PRAP1: variants seen among roughly 807,000 people sequenced by gnomAD.
PRAP1 encodes proline-rich acidic protein 1.
In PRAP1, 12 loss-of-function variants were observed where a neutral mutation model predicts 14.6. The ratio of observed to expected loss-of-function variants is 0.82; its 90% CI spans 0.53 to 1.33. PRAP1 has a LOEUF of 1.33. PRAP1 is among the 40% of genes most tolerant of loss of function. The pLI, the probability that PRAP1 is intolerant of heterozygous loss-of-function variation, is 0.00. For missense variants in PRAP1, 160 were observed against 193.7 expected (o/e 0.83, Z 1.03); for synonymous variants, 81 against 80.3 (o/e 1.01, Z -0.04).
In PRAP1 at chr10:133,351,661, A is replaced by G. The variant is rs1487256611; in HGVS notation, c.128+228A>G. Among the ~76,000 whole-genome samples, 3 of 152,100 alleles carry G rather than the reference A, an allele frequency of 2.0e-5. No individual in the cohort carries two copies. Among genetic ancestry groups the G allele is most frequent in the Non-Finnish European group, 2.9e-5 (2 of 67,992 alleles). On this transcript the variant is annotated intron_variant, in intron 3 of 4. Transcript: ENST00000433452. The surrounding 1 kb of genome is among the most constrained non-coding windows in gnomAD (Gnocchi z 4.3). ...GCTTGGGGCTCCACGGTGTCTCCCT[A>G]CTCAGCTTCCCCACAGCCTCCAGGG...
At position 133,352,407 on chromosome 10, in the gene PRAP1, G is replaced by T; in HGVS notation, c.423G>T (p.Glu141Asp). Residue 141 changes from glutamate to aspartate, a missense_variant, in exon 5 of 5, where the codon GAG becomes GAT. Physicochemically the swap from Glu to Asp is conservative, Grantham distance 45. Coordinates refer to ENST00000433452, the MANE Select transcript of PRAP1 (RefSeq NM_145202.5). ...MPNHQVLLGP[E>D]EDQDHIYHPQ ...ATCACCAGGTGCTCCTGGGACCGGAGGAAGACCAAGACCACATCTACCACC... is the reference window on the plus strand; with the variant it reads ...ATCACCAGGTGCTCCTGGGACCGGATGAAGACCAAGACCACATCTACCACC... 2.5e-6 allele frequency: 4 copies of T among 1,612,854 alleles called. No individual in the cohort carries two copies. Among genetic ancestry groups the T allele is most frequent in the Non-Finnish European group, 3.4e-6 (4 of 1,179,922 alleles).
Position 133,351,268 on chromosome 10 carries a change from CTG to C in PRAP1, c.76-112_76-111del. On this transcript the variant is annotated intron_variant, in intron 2 of 4. Coordinates refer to ENST00000433452, the MANE Select transcript of PRAP1 (RefSeq NM_145202.5). This position sits in a 1 kb window ranked among gnomAD's most constrained non-coding sequence, Gnocchi z 4.3. ...GCTGAGCTGGCCCTGCCCCCACCCC[CTG>C]CAGCCACCTCCACCCCATGCAGCCC... 2 of 685,844 alleles carry C rather than the reference CTG, an allele frequency of 2.9e-6. No individual in the cohort carries two copies. The highest frequency in any genetic ancestry group is 5.1e-6 in the Non-Finnish European group (2 of 395,346). 42.5% of individuals were successfully genotyped at this position (685,844 alleles called of 1,614,324 possible). A position where few individuals can be genotyped will look rare whatever the true frequency, so the allele number is the denominator to read the frequency against.
At chr10:133,348,410 A>G (rs1347957835) in intron 1 of PRAP1, among the ~76,000 whole-genome samples, 1 of 152,146 alleles carries the variant, frequency 6.6e-6, no homozygotes, top group Non-Finnish European at 1.5e-5. Flanking sequence ...GTCCCTGTGG[A>G]GCTGCAATCC....
In PRAP1 at chr10:133,347,409, A is replaced by G. The variant is rs753589892; in HGVS notation, c.-9A>G. On this transcript the variant is annotated 5_prime_UTR_variant, in exon 1 of 5. Transcript: ENST00000433452. The surrounding 1 kb of genome is among the most constrained non-coding windows in gnomAD (Gnocchi z 5.0). ...CTGAGCACTCTCTACAGAGACGCGG[A>G]CCCCAGACATGAGGAGGTAATGCCA... 1.9e-6 allele frequency: 3 copies of G among 1,612,970 alleles called. No individual in the cohort carries two copies. The Admixed American group carries it at 5.0e-5, about 27-fold the overall frequency.
Position 133,350,501 on chromosome 10 carries a change from C to T in PRAP1, c.75+340C>T, listed in dbSNP as rs77727470. ...AGGAGGTGGGCCCGGATGACACCCA[C>T]GTGGTCCCAAGTGGAACAGGTGATC... On this transcript the variant is annotated intron_variant, in intron 2 of 4. Coordinates refer to ENST00000433452, the MANE Select transcript of PRAP1 (RefSeq NM_145202.5). 77 of 272,696 alleles carry T rather than the reference C, an allele frequency of 2.8e-4. No homozygotes were observed. In the East Asian group the frequency reaches 5.1e-3, roughly 18 times the overall value. 16.9% of individuals were successfully genotyped at this position (272,696 alleles called of 1,614,324 possible).
intron 4 of PRAP1, 50 bp from the exon 5 acceptor site, chr10:133,352,197 A>C (rs1446386827): frequency 1.9e-6 from 3 of 1,610,996 alleles, no homozygotes; most frequent in Non-Finnish European, 2.5e-6. Flanking sequence ...GGACAGACCA[A>C]GGGTCTCGGG....
intron 1 of PRAP1, among the ~76,000 whole-genome samples, chr10:133,348,680 ATTT>A (rs58838469): frequency 0.67 from 92,194 of 138,376 alleles, 33,845 homozygotes; most frequent in East Asian, 0.92. Flanking sequence ...CGCCTGGCTA[ATTT>A]TTTTTTTTTT....
intron 1 of PRAP1, among the ~76,000 whole-genome samples, chr10:133,348,529 A>T (rs1848621830): frequency 6.7e-6 from 1 of 149,112 alleles, no homozygotes; most frequent in African/African-American, 2.5e-5. Context: ...TTTTTTTGAG[A>T]CAGAGTGTCT....
chr10:133,348,157 A>G (rs1166653142), intron 1 of PRAP1, among the ~76,000 whole-genome samples: 1 of 152,148 alleles, frequency 6.6e-6, no homozygotes, highest in East Asian at 1.9e-4. Flanking sequence ...CCCGAATCCC[A>G]GGCCCCCAGG....
At position 133,351,554 on chromosome 10, in the gene PRAP1, CT is replaced by C; in HGVS notation, c.128+125del. ...TGCAGAGAGGAGCCCTGTCCAGCAG[CT>C]TTTGGAAGGAGGGGGCACTCCAGCC... On this transcript the variant is annotated intron_variant, in intron 3 of 4. Transcript: ENST00000433452. The surrounding 1 kb of genome is among the most constrained non-coding windows in gnomAD (Gnocchi z 4.3). 1 of 784,646 alleles carries C rather than the reference CT, an allele frequency of 1.3e-6. No homozygotes were observed. The highest frequency in any genetic ancestry group is 2.1e-6 in the Non-Finnish European group (1 of 482,510). 48.6% of individuals were successfully genotyped at this position (784,646 alleles called of 1,614,324 possible). A position where few individuals can be genotyped will look rare whatever the true frequency, so the allele number is the denominator to read the frequency against.
At position 133,352,658 on chromosome 10, in the gene PRAP1, T is replaced by C. The variant is rs544878927; in HGVS notation, c.*218T>C. 1.4e-5 allele frequency: 7 copies of C among 484,122 alleles called. No homozygotes were observed. Among genetic ancestry groups the C allele is most frequent in the Non-Finnish European group, 2.2e-5 (6 of 270,746 alleles). 30.0% of individuals were successfully genotyped at this position (484,122 alleles called of 1,614,324 possible). A position where few individuals can be genotyped will look rare whatever the true frequency, so the allele number is the denominator to read the frequency against. ...GGGCAACATGGTGAAACCCCGTCTC[T>C]ACTAAAAATACAAAAATTAGCCGGG... is the stretch of plus-strand genomic sequence containing the variant. On this transcript the variant is annotated 3_prime_UTR_variant, in exon 5 of 5. Transcript: ENST00000433452.
rs547838285 is a variant in PRAP1 at position 133,351,181 on chromosome 10, C to T, written c.76-200C>T. Among the ~76,000 whole-genome samples the T allele has an allele frequency of 6.6e-5, 10 of 152,326 alleles. No individual in the cohort carries two copies. The South Asian group carries it at 2.1e-3, about 32-fold the overall frequency. On this transcript the variant is annotated intron_variant, in intron 2 of 4. Transcript: ENST00000433452. This position sits in a 1 kb window ranked among gnomAD's most constrained non-coding sequence, Gnocchi z 4.3. ...TCATCTGGGCACAGGCCGGCAACCT[C>T]AATCCCGGCTTGCAATCCCAACACC...
rs1848674220 is a variant in PRAP1 at position 133,351,282 on chromosome 10, A to G, written c.76-99A>G. On this transcript the variant is annotated intron_variant, in intron 2 of 4. Coordinates refer to ENST00000433452, the MANE Select transcript of PRAP1 (RefSeq NM_145202.5). This position sits in a 1 kb window ranked among gnomAD's most constrained non-coding sequence, Gnocchi z 4.3. ...GCCCCCACCCCCTGCAGCCACCTCC[A>G]CCCCATGCAGCCCCAGGTGGGCCTC... 1 of 678,110 alleles carries G rather than the reference A, an allele frequency of 1.5e-6. No homozygotes were observed. Among genetic ancestry groups the G allele is most frequent in the Non-Finnish European group, 2.4e-6 (1 of 411,218 alleles). The allele number at this position is 678,110 out of a possible 1,614,324, so 42.0% of individuals were successfully genotyped here.
Position 133,351,338 on chromosome 10 carries a change from C to T in PRAP1, c.76-43C>T, listed in dbSNP as rs747455124. The T allele has an allele frequency of 1.9e-5, 30 of 1,570,898 alleles. No homozygotes were observed. Among genetic ancestry groups the T allele is most frequent in the African/African-American group, 4.0e-5 (3 of 74,134 alleles). On this transcript the variant is annotated intron_variant, in intron 2 of 4. Transcript: ENST00000433452. The surrounding 1 kb of genome is among the most constrained non-coding windows in gnomAD (Gnocchi z 4.3). ...AACCTCTCCCCAGGTGTCCTCCACC[C>T]GCGTGGACTGTGGCCCAGCCCACAC... is the stretch of plus-strand genomic sequence containing the variant.
In PRAP1 at chr10:133,351,235, C is replaced by A. The variant is rs144079438; in HGVS notation, c.76-146C>A. 63 of 560,456 alleles carry A rather than the reference C, an allele frequency of 1.1e-4. No individual in the cohort carries two copies. The highest frequency in any genetic ancestry group is 5.0e-4 in the South Asian group (21 of 42,252). 34.7% of individuals were successfully genotyped at this position (560,456 alleles called of 1,614,324 possible). The stretch of plus-strand genomic sequence containing the variant: ...GAGTGGCTTGCCCACTAGAGACGCT[C>A]GAGCTGTGCTGAGCTGGCCCTGCCC... On this transcript the variant is annotated intron_variant, in intron 2 of 4. Transcript: ENST00000433452. This position sits in a 1 kb window ranked among gnomAD's most constrained non-coding sequence, Gnocchi z 4.3.
Position 133,351,511 on chromosome 10 carries a change from T to C in PRAP1, c.128+78T>C, listed in dbSNP as rs1848678514. On this transcript the variant is annotated intron_variant, in intron 3 of 4. Transcript: ENST00000433452. This position sits in a 1 kb window ranked among gnomAD's most constrained non-coding sequence, Gnocchi z 4.3. ...CGTTCTGCTGGGCCCTTCCTGAACC[T>C]GGAGAGCACGGGGCAGATGCAGAGA... The C allele has an allele frequency of 8.5e-7, 1 of 1,170,800 alleles. No individual in the cohort carries two copies. Among genetic ancestry groups the C allele is most frequent in the Admixed American group, 2.1e-5 (1 of 48,472 alleles). The allele number at this position is 1,170,800 out of a possible 1,614,324, so 72.5% of individuals were successfully genotyped here.
chr10:133,347,528 G>A lies in PRAP1; in HGVS notation c.8+103G>A. ...GCTGTGCTGCGCTCCAGGGGGCCTG[G>A]TTCAGGGGAGTGTGCGGGTGGGAGG... is the stretch of plus-strand genomic sequence containing the variant. On this transcript the variant is annotated intron_variant, in intron 1 of 4. Transcript: ENST00000433452. The surrounding 1 kb of genome is among the most constrained non-coding windows in gnomAD (Gnocchi z 5.0). 8.1e-7 allele frequency: 1 copy of A among 1,237,780 alleles called. No individual in the cohort carries two copies. The highest frequency in any genetic ancestry group is 1.1e-6 in the Non-Finnish European group (1 of 889,246). The allele number at this position is 1,237,780 out of a possible 1,614,324, so 76.7% of individuals were successfully genotyped here.
intron 1 of PRAP1, among the ~76,000 whole-genome samples, chr10:133,349,339 C>A (rs533007154): frequency 5.3e-5 from 8 of 151,946 alleles, no homozygotes; most frequent in Middle Eastern, 3.4e-3. Context: ...ACAGCACACG[C>A]ACCCCCGAAC....
chr10:133,349,051 C>T (rs1848631754), intron 1 of PRAP1, among the ~76,000 whole-genome samples: 1 of 151,282 alleles, frequency 6.6e-6, no homozygotes, highest in Non-Finnish European at 1.5e-5. Flanking sequence ...AGACGCAAGC[C>T]TCCCCCGCAG....
Sources: gnomAD v4.1 joint callset for allele counts (sites outside exome capture counted in the v4.1 genomes callset) on GRCh38, gnomAD v4.1.1 for gene constraint, Gnocchi (gnomAD v3.1) non-coding constraint, MANE v1.5 for transcripts, NCBI Gene and HGNC (gene_info 2026-07-23, HGNC 2026-07-21) for gene names.